FYB1: variants seen among roughly 807,000 people sequenced by gnomAD.
The protein encoded by FYB1 is FYN binding protein 1.
Under a neutral mutation model 94.1 loss-of-function variants are expected in FYB1, and 41 were observed. The observed-to-expected ratio is 0.44, with a 90% CI of 0.34 to 0.57. The LOEUF (loss-of-function observed/expected upper bound fraction) is 0.57. FYB1 is among the 20% of genes least tolerant of loss of function. The pLI is 0.02. For synonymous variants in FYB1, 367 were observed against 353.2 expected (o/e 1.04, Z -0.44); for missense variants, 1,050 against 976.8 (o/e 1.07, Z -1.00).
At chr5:39,124,174 A>G (rs1469974573) in intron 13 of FYB1, 79 bp downstream of exon 13, 2 of 944,562 alleles carry the variant, frequency 2.1e-6, no homozygotes, top group African/African-American at 3.5e-5. Flanking sequence ...TTTAATGCAG[A>G]TACTATATCC....
Position 39,202,952 on chromosome 5 carries a change from T to C in FYB1, c.9A>G (p.Lys3=). The C allele has an allele frequency of 6.2e-7, 1 of 1,613,854 alleles. No individual in the cohort carries two copies. Among genetic ancestry groups the C allele is most frequent in the South Asian group, 1.1e-5 (1 of 91,076 alleles). Residue 3 remains lysine, a synonymous_variant, in exon 2 of 19, where the codon AAA becomes AAG. Transcript: ENST00000512982. ...CTGTCGGGTTGCCCCCCGTGTTATA[T>C]TTCGCCATGAGGGACTTTACATCTG... MA[K]YNTGGNPTED... is the part of the protein sequence containing the mutation.
Position 39,236,505 on chromosome 5 carries a change from T to C in FYB1, c.-27-33518A>G, listed in dbSNP as rs114156795. Among the ~76,000 whole-genome samples, 1,054 of 152,076 alleles carry C rather than the reference T, an allele frequency of 6.9e-3. 9 individuals are homozygous for C. The highest frequency in any genetic ancestry group is 0.023 in the African/African-American group (939 of 41,512). On this transcript the variant is annotated intron_variant, in intron 1 of 1. Transcript: ENST00000510188. ...AGGAATTATAATGGTTTGGAAAAAA[T>C]TCAGAAATTGAGATGCCATATCCAT...
chr5:39,165,829 A>G (rs1170306433), intron 2 of FYB1, among the ~76,000 whole-genome samples: 1 of 152,212 alleles, frequency 6.6e-6, no homozygotes, highest in Non-Finnish European at 1.5e-5. Context: ...TTGAACAGAT[A>G]TTTTTCAAAA....
Position 39,145,101 on chromosome 5 carries a change from G to A in FYB1, c.1293-3960C>T, listed in dbSNP as rs188961429. Among the ~76,000 whole-genome samples the A allele has an allele frequency of 2.3e-3, 353 of 152,280 alleles. 1 individual carries two copies. Among genetic ancestry groups the A allele is most frequent in the African/African-American group, 7.9e-3 (329 of 41,560 alleles). On this transcript the variant is annotated intron_variant, in intron 3 of 18. Transcript: ENST00000512982. ...TGGCCATGAGTTTATAGTTGTCGAA[G>A]TTGGTGAAAGGAACGTGGAGGCTCG...
At chr5:39,159,332 T>C (rs923414512) in intron 2 of FYB1, among the ~76,000 whole-genome samples, 1 of 152,196 alleles carries the variant, frequency 6.6e-6, no homozygotes, top group African/African-American at 2.4e-5. Context: ...AGAAAAGCTC[T>C]AGCAACTACA....
chr5:39,268,371 G>A (rs1752523722), intron 1 of FYB1, among the ~76,000 whole-genome samples: 1 of 151,732 alleles, frequency 6.6e-6, no homozygotes, highest in Admixed American at 6.6e-5. Context: ...GGGACAACAG[G>A]CATGCACCAC....
chr5:39,219,898 G>C (rs916436729), upstream of FYB1, among the ~76,000 whole-genome samples: 5 of 152,138 alleles, frequency 3.3e-5, no homozygotes, highest in African/African-American at 1.2e-4. Flanking sequence ...GGGCCAAAGG[G>C]GGATGCTTAC....
intron 2 of FYB1, among the ~76,000 whole-genome samples, chr5:39,159,364 T>C (rs191549265): frequency 6.6e-6 from 1 of 152,196 alleles, no homozygotes; most frequent in Non-Finnish European, 1.5e-5. Flanking sequence ...GAGTCTGTAT[T>C]GGTGAACTCT....
intron 2 of FYB1, among the ~76,000 whole-genome samples, chr5:39,167,858 A>C (rs1358200865): frequency 1.3e-5 from 2 of 152,192 alleles, no homozygotes; most frequent in Non-Finnish European, 2.9e-5. Context: ...GGACGTTTGT[A>C]ATCACTTTTT....
chr5:39,154,228 G>T (rs1743540890), intron 2 of FYB1, among the ~76,000 whole-genome samples: 1 of 152,110 alleles, frequency 6.6e-6, no homozygotes, highest in Admixed American at 6.5e-5. Context: ...GGTTCTATCT[G>T]CTAAATAGTG....
chr5:39,127,808 C>A lies in FYB1; in HGVS notation c.1841-1G>T. The A allele has an allele frequency of 6.3e-7, 1 of 1,597,844 alleles. No individual in the cohort carries two copies. The highest frequency in any genetic ancestry group is 8.5e-7 in the Non-Finnish European group (1 of 1,173,240). On this transcript the variant is annotated splice_acceptor_variant, in intron 10 of 18. Transcript: ENST00000512982. LOFTEE classifies it high-confidence loss of function. The stretch of plus-strand genomic sequence containing the variant: ...TCATCTGGTGGTGGAGGGAATATCC[C>A]TTCATTTGGATTGGAGGAAAATCTT...
chr5:39,135,567 T>G (rs897358412), intron 7 of FYB1, among the ~76,000 whole-genome samples: 1 of 152,242 alleles, frequency 6.6e-6, no homozygotes, highest in Non-Finnish European at 1.5e-5. Flanking sequence ...AGGATAATGA[T>G]GTTGGTTAGA....
intron 1 of FYB1, among the ~76,000 whole-genome samples, chr5:39,232,941 C>T (rs1561295564): frequency 6.6e-6 from 1 of 151,978 alleles, no homozygotes; most frequent in Non-Finnish European, 1.5e-5. Flanking sequence ...TGTATATGTG[C>T]CACATTTTCT....
At chr5:39,151,294 AT>A (rs1450686203) in intron 3 of FYB1, among the ~76,000 whole-genome samples, 1 of 151,968 alleles carries the variant, frequency 6.6e-6, no homozygotes, top group East Asian at 1.9e-4. Context: ...CCTGTTTATT[AT>A]TTATTTATTT....
chr5:39,224,734 G>T (rs953758994), intron 1 of FYB1, among the ~76,000 whole-genome samples: 1 of 152,154 alleles, frequency 6.6e-6, no homozygotes, highest in Admixed American at 6.5e-5. Context: ...TATCAGAGAA[G>T]CATTACGATC....
chr5:39,228,318 C>T (rs191395104), intron 1 of FYB1, among the ~76,000 whole-genome samples: 4 of 152,212 alleles, frequency 2.6e-5, no homozygotes, highest in East Asian at 1.9e-4. Flanking sequence ...TTATTCTTTT[C>T]GTATTAGAAA....
At chr5:39,203,592 C>T (rs1046043023) in intron 1 of FYB1, among the ~76,000 whole-genome samples, 1 of 151,956 alleles carries the variant, frequency 6.6e-6, no homozygotes, top group African/African-American at 2.4e-5. Flanking sequence ...AATAAAATGA[C>T]TTCTTCTCCT....
upstream of FYB1, among the ~76,000 whole-genome samples, chr5:39,221,277 T>C (rs1750248691): frequency 6.6e-6 from 1 of 152,106 alleles, no homozygotes; most frequent in African/African-American, 2.4e-5. Flanking sequence ...GGTAATACTC[T>C]AGGCATGACA....
chr5:39,135,156 G>A (rs1741572478), intron 7 of FYB1, 142 bp from the exon 8 acceptor site: 11 of 929,842 alleles, frequency 1.2e-5, no homozygotes. Flanking sequence ...GAAATTGAGG[G>A]TGAATGTTTT....
Sources: allele counts gnomAD v4.1 joint callset (sites outside exome capture counted in the v4.1 genomes callset), GRCh38; gene constraint gnomAD v4.1.1; transcripts MANE v1.5; gene names NCBI Gene and HGNC (gene_info 2026-07-23, HGNC 2026-07-21).